NALF1: variants seen among roughly 807,000 people sequenced by gnomAD.
NALF1 encodes the protein family with sequence similarity 155 member A.
NALF1 carries 3 observed loss-of-function variants against 48.4 expected under a neutral mutation model. The observed-to-expected ratio is 0.06, with a 90% CI of 0.03 to 0.16. The LOEUF is 0.16. Ranked by LOEUF, NALF1 falls within the 10% of genes least tolerant of loss-of-function variation. The pLI is 1.00. For synonymous variants in NALF1, 262 were observed against 245.7 expected (o/e 1.07, Z -0.62); for missense variants, 526 against 571.5 (o/e 0.92, Z 0.81).
At chr13:107,823,326 C>T (rs976214934) in intron 1 of NALF1, among the ~76,000 whole-genome samples, 2 of 152,156 alleles carry the variant, frequency 1.3e-5, no homozygotes, top group African/African-American at 4.8e-5. Flanking sequence ...CTCACACTAC[C>T]ATCCTCTCTC....
chr13:107,542,417 G>GTGA (rs1158213775), intron 1 of NALF1, among the ~76,000 whole-genome samples: 1 of 152,060 alleles, frequency 6.6e-6, no homozygotes, highest in Non-Finnish European at 1.5e-5. Flanking sequence ...ATTGACTGTG[G>GTGA]TGATAGTTTG....
chr13:107,701,215 C>T (rs1473876694), intron 1 of NALF1, among the ~76,000 whole-genome samples: 2 of 152,018 alleles, frequency 1.3e-5, no homozygotes, highest in African/African-American at 4.8e-5. Context: ...TTCCCAAGAG[C>T]CAAAATATGG....
intron 1 of NALF1, among the ~76,000 whole-genome samples, chr13:107,337,875 T>A (rs967789220): frequency 9.9e-5 from 15 of 152,132 alleles, no homozygotes; most frequent in East Asian, 7.7e-4. Flanking sequence ...ATAATAATAA[T>A]CTTTGCAGAT....
At chr13:107,369,939 A>C (rs191258958) in intron 1 of NALF1, among the ~76,000 whole-genome samples, 42 of 152,308 alleles carry the variant, frequency 2.8e-4, no homozygotes, top group Non-Finnish European at 7.3e-5. Flanking sequence ...GAGAAATAGA[A>C]AATATAAGAG....
intron 1 of NALF1, among the ~76,000 whole-genome samples, chr13:107,485,286 T>A (rs184777513): frequency 6.6e-6 from 1 of 152,254 alleles, no homozygotes; most frequent in Admixed American, 6.5e-5. Flanking sequence ...CTTTAATGAT[T>A]GCTAATTAGT....
At chr13:107,708,721 A>AT (rs372506478) in intron 1 of NALF1, among the ~76,000 whole-genome samples, 24,606 of 107,576 alleles carry the variant, frequency 0.23, 2,615 homozygotes, top group Middle Eastern at 0.45. Context: ...CTCTTTATTT[A>AT]TTTTTTTTTT....
At chr13:107,732,103 A>G (rs114431110) in intron 1 of NALF1, among the ~76,000 whole-genome samples, 1 of 152,106 alleles carries the variant, frequency 6.6e-6, no homozygotes. Context: ...TTGACTCTCT[A>G]TCAGCCCCCT....
intron 1 of NALF1, among the ~76,000 whole-genome samples, chr13:107,587,926 G>T (rs1034078512): frequency 1.3e-5 from 2 of 152,026 alleles, no homozygotes; most frequent in Admixed American, 1.3e-4. Flanking sequence ...GTATCTCCAG[G>T]ACCTAGCACA....
chr13:107,652,068 T>C (rs185984897), intron 1 of NALF1, among the ~76,000 whole-genome samples: 141 of 152,336 alleles, frequency 9.3e-4, no homozygotes, highest in Middle Eastern at 6.8e-3. Flanking sequence ...AAAATACTTA[T>C]GATGCAGAAC....
intron 1 of NALF1, among the ~76,000 whole-genome samples, chr13:107,617,084 C>G (rs1281571251): frequency 1.3e-5 from 2 of 152,166 alleles, no homozygotes; most frequent in Admixed American, 6.5e-5. Flanking sequence ...TAACAGATAT[C>G]TTCAGTTTGT....
rs183322765 is a variant in NALF1 at position 107,181,233 on chromosome 13, G to A, written c.1088-10447C>T. On this transcript the variant is annotated intron_variant, in intron 2 of 2. Coordinates refer to ENST00000375915, the MANE Select transcript of NALF1 (RefSeq NM_001080396.3). ...TATTTATGTGAATTCTTCATCTTTC[G>A]TTTAATTTTCTTTTACTATTCTCTT... is the stretch of plus-strand genomic sequence containing the variant. 4.7e-4 allele frequency among the ~76,000 whole-genome samples: 71 copies of A among 151,302 alleles called. 3 individuals are homozygous for A. The highest frequency in any genetic ancestry group is 2.1e-4 in the South Asian group (1 of 4,766).
At chr13:107,721,399 C>T (rs1162677147) in intron 1 of NALF1, among the ~76,000 whole-genome samples, 1 of 152,150 alleles carries the variant, frequency 6.6e-6, no homozygotes, top group East Asian at 1.9e-4. Flanking sequence ...GACATATAAG[C>T]TGTGCAGGGA....
At chr13:107,834,319 T>G (rs1393169321) in intron 1 of NALF1, among the ~76,000 whole-genome samples, 1 of 152,174 alleles carries the variant, frequency 6.6e-6, no homozygotes, top group Admixed American at 6.5e-5. Context: ...TTAGACCACT[T>G]AGGACAACTG....
At chr13:107,430,922 TAA>T (rs1455728012) in intron 1 of NALF1, among the ~76,000 whole-genome samples, 1 of 152,188 alleles carries the variant, frequency 6.6e-6, no homozygotes, top group Non-Finnish European at 1.5e-5. Context: ...ACCAACAGTG[TAA>T]AAGTGTTCCT....
chr13:107,670,840 T>C (rs1269536327), intron 1 of NALF1, among the ~76,000 whole-genome samples: 1 of 152,124 alleles, frequency 6.6e-6, no homozygotes, highest in Non-Finnish European at 1.5e-5. Flanking sequence ...CCAGTGCTGG[T>C]AGAGTTAAAA....
intron 1 of NALF1, among the ~76,000 whole-genome samples, chr13:107,671,210 T>C (rs1367053542): frequency 6.6e-6 from 1 of 152,166 alleles, no homozygotes; most frequent in Non-Finnish European, 1.5e-5. Context: ...TTTCTTAAGA[T>C]AATAATATAT....
At chr13:107,630,639 G>A (rs947794844) in intron 1 of NALF1, among the ~76,000 whole-genome samples, 6 of 152,044 alleles carry the variant, frequency 3.9e-5, no homozygotes, top group South Asian at 4.1e-4. Flanking sequence ...TCTTATAATC[G>A]TCTAATAGGA....
chr13:107,711,614 A>T (rs764104302), intron 1 of NALF1, among the ~76,000 whole-genome samples: 3 of 152,340 alleles, frequency 2.0e-5, no homozygotes, highest in Non-Finnish European at 2.9e-5. Context: ...AGAACCAGTC[A>T]GTTATATAAA....
intron 1 of NALF1, among the ~76,000 whole-genome samples, chr13:107,632,169 T>C (rs1879852825): frequency 6.6e-6 from 1 of 152,184 alleles, no homozygotes; most frequent in Non-Finnish European, 1.5e-5. Context: ...TAATAGGATA[T>C]CAGCATTTTA....
Sources: allele counts gnomAD v4.1 joint callset (sites outside exome capture counted in the v4.1 genomes callset), GRCh38; gene constraint gnomAD v4.1.1; transcripts MANE v1.5; gene names NCBI Gene and HGNC (gene_info 2026-07-23, HGNC 2026-07-21).